Variants in ZNF395 observed in about 807,000 individuals in gnomAD.
ZNF395 encodes HD gene regulatory region-binding protein 2.
ZNF395 carries 20 observed loss-of-function variants against 57.7 expected under a neutral mutation model. That is an observed-to-expected ratio of 0.35 (90% CI 0.24 to 0.50). ZNF395 has a LOEUF of 0.50. Among genes scored for constraint, ZNF395 ranks in the 20% least tolerant of loss-of-function variants. The pLI is 0.97. For synonymous variants in ZNF395, 295 were observed against 275.9 expected (o/e 1.07, Z -0.69); for missense variants, 606 against 671.2 (o/e 0.90, Z 1.07).
At chr8:28,371,253 T>G (rs1263801563) in intron 1 of ZNF395, among the ~76,000 whole-genome samples, 8 of 152,188 alleles carry the variant, frequency 5.3e-5, no homozygotes, top group African/African-American at 9.6e-5. Context: ...CGATCACAGC[T>G]CACTGCGGCC....
At chr8:28,372,394 C>A (rs1268623805) in intron 1 of ZNF395, among the ~76,000 whole-genome samples, 1 of 152,166 alleles carries the variant, frequency 6.6e-6, no homozygotes, top group Admixed American at 6.5e-5. Context: ...CAGTGAAGAG[C>A]CAAACCTATC....
At chr8:28,370,803 C>CA (rs1005086026) in intron 1 of ZNF395, among the ~76,000 whole-genome samples, 4 of 152,252 alleles carry the variant, frequency 2.6e-5, no homozygotes, top group Admixed American at 2.0e-4. Flanking sequence ...GGACTTAGTT[C>CA]AAGGCCAGCA....
intron 1 of ZNF395, among the ~76,000 whole-genome samples, chr8:28,381,234 G>T (rs1329381099): frequency 1.3e-5 from 2 of 152,024 alleles, no homozygotes; most frequent in Non-Finnish European, 2.9e-5. Flanking sequence ...GTAGAGACGG[G>T]GTTTCACTGC....
rs151013418 is a variant in ZNF395 at position 28,351,778 on chromosome 8, C to T, written c.950G>A (p.Arg317Gln). The T allele has an allele frequency of 1.9e-5, 30 of 1,577,622 alleles. No homozygotes were observed. Among genetic ancestry groups the T allele is most frequent in the South Asian group, 4.6e-5 (4 of 87,002 alleles). The stretch of plus-strand genomic sequence containing the variant: ...CTCTGTGTAGTAGAAATCCTCCTCC[C>T]GCTTGAACTGATCAGAGTCCACTGT... ...GDTVDSDQFK[R>Q]EEDFYYTEVQ... is the part of the protein sequence containing the mutation. Residue 317 changes from arginine (R) to glutamine (Q), a missense_variant, in exon 7 of 10, where the codon CGG becomes CAG. By Grantham distance (43) the Arg-to-Gln change is conservative. Transcript: ENST00000344423.
At chr8:28,358,645 C>T (rs1366391462) in intron 3 of ZNF395, among the ~76,000 whole-genome samples, 1 of 152,126 alleles carries the variant, frequency 6.6e-6, no homozygotes, top group Non-Finnish European at 1.5e-5. Flanking sequence ...CTATGTTGCC[C>T]AGGCTGGTCT....
intron 1 of ZNF395, among the ~76,000 whole-genome samples, chr8:28,382,005 G>A (rs191382159): frequency 6.6e-5 from 10 of 152,210 alleles, no homozygotes; most frequent in East Asian, 3.9e-4. Flanking sequence ...ACTCCTACCC[G>A]GAATCCTCAG....
rs776585934 is a variant in ZNF395, at chr8:28,351,494, C to G, written c.1233+1G>C. 1 of 1,593,296 alleles carries G rather than the reference C, an allele frequency of 6.3e-7. No individual in the cohort carries two copies. The highest frequency in any genetic ancestry group is 8.6e-7 in the Non-Finnish European group (1 of 1,165,180). ...AGCCTCCAGCGAGCCCCGCCCCATA[C>G]CTGGTATGCATGATCTGCCTGAATG... On this transcript the variant is annotated splice_donor_variant, in intron 7 of 9. Transcript: ENST00000344423. LOFTEE classifies it high-confidence loss of function.
chr8:28,366,937 G>A (rs113365412), intron 1 of ZNF395, among the ~76,000 whole-genome samples: 63 of 152,022 alleles, frequency 4.1e-4, no homozygotes, highest in African/African-American at 1.2e-3. Flanking sequence ...ATCAAAAGCC[G>A]TGACTTAAAA....
chr8:28,349,956 C>A, intron 8 of ZNF395, 108 bp downstream of exon 8: 2 of 1,000,616 alleles, frequency 2.0e-6, no homozygotes, highest in Non-Finnish European at 2.8e-6. Flanking sequence ...GATGGCCACA[C>A]CGACCTGTGG....
intron 1 of ZNF395, among the ~76,000 whole-genome samples, chr8:28,376,330 C>CT (rs898840770): frequency 1.3e-5 from 2 of 151,920 alleles, no homozygotes; most frequent in African/African-American, 4.8e-5. Context: ...TCATATTTTG[C>CT]TTTTTTTAAA....
intron 1 of ZNF395, among the ~76,000 whole-genome samples, chr8:28,380,214 T>C (rs891585947): frequency 6.6e-6 from 1 of 152,238 alleles, no homozygotes; most frequent in African/African-American, 2.4e-5. Context: ...ATTGTGGATA[T>C]GGTCTCAGCT....
At position 28,359,852 on chromosome 8, in the gene ZNF395, G is replaced by T. The variant is rs373972264; in HGVS notation, c.241-28C>A. On this transcript the variant is annotated intron_variant, in intron 2 of 9. Transcript: ENST00000344423. This position sits in a 1 kb window ranked among gnomAD's most constrained non-coding sequence, Gnocchi z 4.7. ...GTGGGAAGAGGGACAGCAGTTAGTG[G>T]TCAGCCCTGGATGGGTCTCGCCCTG... 9.3e-6 allele frequency: 15 copies of T among 1,607,396 alleles called. No individual in the cohort carries two copies. The highest frequency in any genetic ancestry group is 1.3e-5 in the Non-Finnish European group (15 of 1,175,306).
intron 1 of ZNF395, among the ~76,000 whole-genome samples, chr8:28,365,948 C>T (rs540813470): frequency 2.0e-5 from 3 of 152,330 alleles, no homozygotes; most frequent in Admixed American, 6.5e-5. Flanking sequence ...CACGTAGGCA[C>T]GCCCCCACAC....
intron 1 of ZNF395, among the ~76,000 whole-genome samples, chr8:28,384,601 C>T (rs1353835623): frequency 3.3e-5 from 5 of 152,176 alleles, no homozygotes; most frequent in Non-Finnish European, 7.4e-5. Context: ...CCTCTCTCCC[C>T]GAGACAGGTA....
chr8:28,384,776 T>G (rs571743215), intron 1 of ZNF395, among the ~76,000 whole-genome samples: 1 of 152,224 alleles, frequency 6.6e-6, no homozygotes, highest in African/African-American at 2.4e-5. Context: ...TTATCTGATA[T>G]ACTCCCTCTC....
intron 1 of ZNF395, among the ~76,000 whole-genome samples, chr8:28,367,934 G>A (rs989844722): frequency 6.6e-6 from 1 of 152,224 alleles, no homozygotes; most frequent in African/African-American, 2.4e-5. Context: ...CTTAAAAACA[G>A]GTAGACAGAA....
intron 1 of ZNF395, among the ~76,000 whole-genome samples, chr8:28,367,881 A>C (rs1280587345): frequency 6.6e-6 from 1 of 152,250 alleles, no homozygotes; most frequent in Admixed American, 6.5e-5. Context: ...AATGAAGGCA[A>C]AAGTATCAAG....
At chr8:28,348,988 C>G (rs1801643864) in intron 9 of ZNF395, 137 bp downstream of exon 9, 6 of 1,148,384 alleles carry the variant, frequency 5.2e-6, no homozygotes, top group Admixed American at 3.9e-5. Context: ...AAACAGTCAT[C>G]CCATCTGGTG....
chr8:28,370,493 G>A (rs975373864), intron 1 of ZNF395, among the ~76,000 whole-genome samples: 2 of 152,226 alleles, frequency 1.3e-5, no homozygotes, highest in African/African-American at 2.4e-5. Context: ...GAAACAGGCT[G>A]AATGAGAGTT....
Sources: gnomAD v4.1 joint callset for allele counts (sites outside exome capture counted in the v4.1 genomes callset) on GRCh38, gnomAD v4.1.1 for gene constraint, Gnocchi (gnomAD v3.1) non-coding constraint, MANE v1.5 for transcripts, NCBI Gene and HGNC (gene_info 2026-07-23, HGNC 2026-07-21) for gene names.